Variants in SPIRE1 observed in about 807,000 individuals in gnomAD.
SPIRE1 encodes the protein spire type actin nucleation factor 1.
A neutral mutation model predicts 94.1 loss-of-function variants in SPIRE1; 40 were observed. The ratio of observed to expected loss-of-function variants is 0.43; its 90% confidence interval spans 0.33 to 0.55. The LOEUF (loss-of-function observed/expected upper bound fraction) is 0.55, where lower values mean the gene tolerates loss of function less well. SPIRE1 is among the 20% of genes least tolerant of loss of function. SPIRE1 has a pLI of 0.06. For synonymous variants in SPIRE1, 376 were observed against 371.7 expected (o/e 1.01, Z -0.13); for missense variants, 838 against 975.2 (o/e 0.86, Z 1.87).
At chr18:12,652,545 T>C (rs1038679818) in intron 1 of SPIRE1, among the ~76,000 whole-genome samples, 6 of 152,256 alleles carry the variant, frequency 3.9e-5, no homozygotes, top group African/African-American at 1.4e-4. Context: ...TTAATCTTTT[T>C]ACTTTCAAGA....
In SPIRE1 at chr18:12,580,327, CTCT is replaced by C. The variant is rs2036222754; in HGVS notation, c.373-33426_373-33424del. On this transcript the variant is annotated intron_variant, in intron 2 of 16. Coordinates refer to ENST00000409402, the MANE Select transcript of SPIRE1 (RefSeq NM_001128626.2). ...ATCTAATAATGTGTTCTCTCTCTCT[CTCT>C]TTTTTTTTTGGGAGATGGAGTCTCG... is the stretch of plus-strand genomic sequence containing the variant. 3.3e-5 allele frequency among the ~76,000 whole-genome samples: 5 copies of C among 151,994 alleles called. No individual in the cohort carries two copies. In the South Asian group the frequency reaches 1.0e-3, roughly 32 times the overall value.
chr18:12,594,248 T>A (rs943031584), intron 2 of SPIRE1, among the ~76,000 whole-genome samples: 1 of 152,042 alleles, frequency 6.6e-6, no homozygotes, highest in Non-Finnish European at 1.5e-5. Flanking sequence ...AAGTAAAGAC[T>A]GGGAGGGGAA....
intron 1 of SPIRE1, among the ~76,000 whole-genome samples, chr18:12,640,031 C>T (rs1405232318): frequency 6.6e-6 from 1 of 152,188 alleles, no homozygotes; most frequent in Non-Finnish European, 1.5e-5. Flanking sequence ...ACACTGTCAT[C>T]TTCAGCAGAC....
Position 12,656,908 on chromosome 18 carries a change from T to C in SPIRE1, c.337+622A>G, listed in dbSNP as rs533411386. Among the ~76,000 whole-genome samples, 8 of 152,368 alleles carry C rather than the reference T, an allele frequency of 5.3e-5. No homozygotes were observed. In the South Asian group the frequency reaches 1.7e-3, roughly 32 times the overall value. Reference sequence around the variant, plus strand: ...ATACAGGAATGCAATCAGTATTTTCTAACGTCCAGGAGCCAAAAATCACTA... The same window carrying C: ...ATACAGGAATGCAATCAGTATTTTCCAACGTCCAGGAGCCAAAAATCACTA... On this transcript the variant is annotated intron_variant, in intron 1 of 16. Transcript: ENST00000409402.
At chr18:12,599,431 A>T (rs954668452) in intron 2 of SPIRE1, among the ~76,000 whole-genome samples, 63 of 152,134 alleles carry the variant, frequency 4.1e-4, no homozygotes, top group East Asian at 1.9e-4. Context: ...TGGCTAATTT[A>T]AAAAAATTTT....
intron 10 of SPIRE1, among the ~76,000 whole-genome samples, chr18:12,476,410 A>G (rs2032577512): frequency 6.6e-6 from 1 of 151,212 alleles, no homozygotes; most frequent in Non-Finnish European, 1.5e-5. Context: ...GCATGGTGGC[A>G]GGCACCTGTA....
chr18:12,482,485 T>G (rs1598916713), intron 9 of SPIRE1, among the ~76,000 whole-genome samples: 1 of 152,278 alleles, frequency 6.6e-6, no homozygotes, highest in Non-Finnish European at 1.5e-5. Flanking sequence ...AATAAATAAA[T>G]ACTTTTTGCT....
At chr18:12,642,806 T>C (rs551824641) in intron 1 of SPIRE1, among the ~76,000 whole-genome samples, 2 of 152,214 alleles carry the variant, frequency 1.3e-5, no homozygotes, top group Non-Finnish European at 2.9e-5. Flanking sequence ...AGGACAAATA[T>C]GTAATGCCTG....
At chr18:12,481,262 C>CA (rs1049370122) in intron 9 of SPIRE1, among the ~76,000 whole-genome samples, 1 of 151,102 alleles carries the variant, frequency 6.6e-6, no homozygotes, top group Non-Finnish European at 1.5e-5. Flanking sequence ...GACTGTGTCT[C>CA]AAAAAAAAGA....
At chr18:12,530,201 G>A (rs2034644590) in intron 4 of SPIRE1, among the ~76,000 whole-genome samples, 2 of 151,986 alleles carry the variant, frequency 1.3e-5, no homozygotes, top group Admixed American at 1.3e-4. Context: ...ATTCTACCAG[G>A]AATGCACTTA....
intron 2 of SPIRE1, among the ~76,000 whole-genome samples, chr18:12,582,068 A>G (rs1425445687): frequency 6.6e-6 from 1 of 152,186 alleles, no homozygotes; most frequent in Non-Finnish European, 1.5e-5. Context: ...CAAACAAAAC[A>G]TCATGGGTAC....
In SPIRE1 at chr18:12,612,348, A is replaced by T. The variant is rs1299175553; in HGVS notation, c.372+22714T>A. Among the ~76,000 whole-genome samples, 2 of 152,152 alleles carry T rather than the reference A, an allele frequency of 1.3e-5. 1 individual carries two copies. Among genetic ancestry groups the T allele is most frequent in the South Asian group, 4.1e-4 (2 of 4,838 alleles). ...TGGGTTTCCTTCTCGCTTTGTGGCC[A>T]CGCCTTCTTAGGCTTCTTTGCTGGC... On this transcript the variant is annotated intron_variant, in intron 2 of 16. Transcript: ENST00000409402.
intron 2 of SPIRE1, among the ~76,000 whole-genome samples, chr18:12,626,895 T>A (rs1488900972): frequency 4.2e-5 from 6 of 143,768 alleles, no homozygotes; most frequent in African/African-American, 1.0e-4. Flanking sequence ...TATTTTTTTT[T>A]TTTTTTTGCC....
chr18:12,631,364 G>A (rs538487041), intron 2 of SPIRE1, among the ~76,000 whole-genome samples: 84 of 151,640 alleles, frequency 5.5e-4, no homozygotes, highest in African/African-American at 1.8e-3. Context: ...TTAAAAAAAT[G>A]AGAACAGTGG....
At chr18:12,622,552 A>G (rs926526613) in intron 2 of SPIRE1, among the ~76,000 whole-genome samples, 1 of 150,664 alleles carries the variant, frequency 6.6e-6, no homozygotes, top group African/African-American at 2.4e-5. Context: ...CCTCCTGAGT[A>G]GCTGGGACTA....
intron 4 of SPIRE1, among the ~76,000 whole-genome samples, chr18:12,532,531 T>C (rs2034714155): frequency 6.6e-6 from 1 of 152,224 alleles, no homozygotes; most frequent in African/African-American, 2.4e-5. Context: ...CAATTTTTAA[T>C]TTCGTTGAAT....
At chr18:12,517,593 G>A (rs1187983176) in intron 4 of SPIRE1, among the ~76,000 whole-genome samples, 1 of 152,146 alleles carries the variant, frequency 6.6e-6, no homozygotes, top group African/African-American at 2.4e-5. Context: ...TTGAGATATG[G>A]TGAGAAAGTT....
chr18:12,616,256 G>A (rs1270474849), intron 2 of SPIRE1, among the ~76,000 whole-genome samples: 1 of 152,056 alleles, frequency 6.6e-6, no homozygotes, highest in Non-Finnish European at 1.5e-5. Flanking sequence ...GTAGAATGGA[G>A]AAAATGAAAA....
chr18:12,583,740 A>G lies in SPIRE1; in HGVS notation c.373-36836T>C, dbSNP rs182960352. Among the ~76,000 whole-genome samples the G allele has an allele frequency of 1.8e-3, 275 of 152,086 alleles. 1 individual carries two copies. The highest frequency in any genetic ancestry group is 6.4e-3 in the African/African-American group (266 of 41,502). ...AGGAGTTCAAGATCAGCCTGAGCAAAATGGCAAAATCCCACCTCTACAAAA... is the reference window on the plus strand; with the variant it reads ...AGGAGTTCAAGATCAGCCTGAGCAAGATGGCAAAATCCCACCTCTACAAAA... On this transcript the variant is annotated intron_variant, in intron 2 of 16. Coordinates refer to ENST00000409402, the MANE Select transcript of SPIRE1 (RefSeq NM_001128626.2).
Sources: allele counts gnomAD v4.1 joint callset (sites outside exome capture counted in the v4.1 genomes callset), GRCh38; gene constraint gnomAD v4.1.1; transcripts MANE v1.5; gene names NCBI Gene and HGNC (gene_info 2026-07-23, HGNC 2026-07-21).